Variants in CA5A observed in about 807,000 individuals in gnomAD.
CA5A encodes carbonic anhydrase 5A, mitochondrial.
In CA5A, 28 loss-of-function variants were observed where a neutral mutation model predicts 37.1. That is an observed-to-expected ratio of 0.75 (90% CI 0.56 to 1.03). The LOEUF (loss-of-function observed/expected upper bound fraction) is 1.03. CA5A is among the 50% of genes least tolerant of loss of function. The pLI is 0.00. For missense variants in CA5A, 444 were observed against 399.9 expected, an observed-to-expected ratio of 1.11 and a Z score of -0.94; for synonymous variants, 171 against 158.4, an observed-to-expected ratio of 1.08 and a Z score of -0.60.
intron 2 of CA5A, among the ~76,000 whole-genome samples, chr16:87,916,051 G>C (rs1433620432): frequency 6.6e-6 from 1 of 151,786 alleles, no homozygotes; most frequent in African/African-American, 2.4e-5. Flanking sequence ...CCAAGCAAAA[G>C]GGGTTACTCG....
intron 1 of CA5A, among the ~76,000 whole-genome samples, chr16:87,930,499 C>T (rs1003965071): frequency 6.6e-6 from 1 of 152,146 alleles, no homozygotes; most frequent in African/African-American, 2.4e-5. Context: ...AGGCCTGAAT[C>T]CCATCAACAT....
At chr16:87,933,138 A>G (rs1018618225) in intron 1 of CA5A, among the ~76,000 whole-genome samples, 1 of 152,250 alleles carries the variant, frequency 6.6e-6, no homozygotes, top group Non-Finnish European at 1.5e-5. Flanking sequence ...ACACCTGAGC[A>G]GGAAATAGCC....
At position 87,926,971 on chromosome 16, in the gene CA5A, G is replaced by C. The variant is rs560834608; in HGVS notation, c.143-26C>G. ...CTGCAGGGAGAGAGACGGAGACCCT[G>C]AGTGAGGCATGAGCTTCATCCTGTG... On this transcript the variant is annotated intron_variant, in intron 1 of 6. Coordinates refer to ENST00000649794, the MANE Select transcript of CA5A (RefSeq NM_001739.2). 3.2e-5 allele frequency: 46 copies of C among 1,458,004 alleles called. No homozygotes were observed. The African/African-American group carries it at 5.6e-4, about 18-fold the overall frequency. 90.3% of individuals were successfully genotyped at this position (1,458,004 alleles called of 1,614,324 possible). A position where few individuals can be genotyped will look rare whatever the true frequency, so the allele number is the denominator to read the frequency against.
At chr16:87,935,764 T>C (rs2056462347) in intron 1 of CA5A, among the ~76,000 whole-genome samples, 1 of 151,826 alleles carries the variant, frequency 6.6e-6, no homozygotes, top group African/African-American at 2.4e-5. Flanking sequence ...TAGTCCCAGT[T>C]ACTTTGGAGG....
At chr16:87,886,942 A>G (rs4843275), downstream of CA5A, 52,214 of 151,972 alleles carry the variant, frequency 0.34, 9,985 homozygotes, top group African/African-American at 0.52. Flanking sequence ...TCGCTCTGTC[A>G]CCCTGGCTGG....
chr16:87,908,650 C>A (rs572238945), intron 2 of CA5A, among the ~76,000 whole-genome samples: 14 of 152,292 alleles, frequency 9.2e-5, no homozygotes, highest in African/African-American at 3.1e-4. Context: ...CTGCTGGGAC[C>A]GGAAGGGACT....
chr16:87,893,423 G>C (rs899123090), intron 5 of CA5A: 1 of 505,894 alleles, frequency 2.0e-6, no homozygotes, highest in South Asian at 1.5e-5. Flanking sequence ...CACCACGCCC[G>C]GCTTGCCTGG....
chr16:87,934,863 G>C (rs2056450068), intron 1 of CA5A, among the ~76,000 whole-genome samples: 1 of 152,188 alleles, frequency 6.6e-6, no homozygotes, highest in Non-Finnish European at 1.5e-5. Context: ...GGGAGGCTGA[G>C]TCAAGAGGAT....
At chr16:87,921,354 C>T (rs1214616005) in intron 2 of CA5A, among the ~76,000 whole-genome samples, 1 of 152,190 alleles carries the variant, frequency 6.6e-6, no homozygotes, top group Non-Finnish European at 1.5e-5. Context: ...TCAGAGGCCC[C>T]GAAATTGGCT....
chr16:87,899,798 T>C (rs2055851919), intron 5 of CA5A, among the ~76,000 whole-genome samples: 1 of 150,036 alleles, frequency 6.7e-6, no homozygotes, highest in Non-Finnish European at 1.5e-5. Flanking sequence ...TGGGCGCCGG[T>C]ACTTCCAGCT....
At chr16:87,933,068 T>C (rs1284722271) in intron 1 of CA5A, among the ~76,000 whole-genome samples, 1 of 151,892 alleles carries the variant, frequency 6.6e-6, no homozygotes, top group African/African-American at 2.4e-5. Context: ...CCACCCAGAG[T>C]GGGGAGCCCA....
intron 6 of CA5A, among the ~76,000 whole-genome samples, chr16:87,888,563 G>A (rs566085770): frequency 6.6e-6 from 1 of 152,294 alleles, no homozygotes; most frequent in Admixed American, 6.5e-5. Context: ...GAGGCTCCCA[G>A]CGAACTGCCA....
intron 5 of CA5A, chr16:87,893,664 G>A (rs2055758625): frequency 1.7e-6 from 1 of 590,164 alleles, no homozygotes; most frequent in Non-Finnish European, 3.1e-6. Flanking sequence ...GATAGCCGAG[G>A]CTCGGGCTGG....
chr16:87,927,818 G>C (rs914873027), intron 1 of CA5A, among the ~76,000 whole-genome samples: 2 of 146,592 alleles, frequency 1.4e-5, no homozygotes, highest in African/African-American at 5.1e-5. Context: ...CCGAGATCGC[G>C]CCACTGCACT....
chr16:87,911,173 G>A lies in CA5A; in HGVS notation c.341-6269C>T, dbSNP rs554220328. Among the ~76,000 whole-genome samples the A allele has an allele frequency of 8.0e-5, 12 of 149,494 alleles. No individual in the cohort carries two copies. Among genetic ancestry groups the A allele is most frequent in the South Asian group, 2.1e-4 (1 of 4,708 alleles). ...TTTAAGCTGCCAGCCCCCATCCCCC[G>A]GACTCTGCTATCAGCAGGGCTGGTC... On this transcript the variant is annotated intron_variant, in intron 2 of 6. Transcript: ENST00000649794. The surrounding 1 kb of genome is among the most constrained non-coding windows in gnomAD (Gnocchi z 4.6).
intron 5 of CA5A, among the ~76,000 whole-genome samples, chr16:87,892,646 A>T (rs1335887061): frequency 6.7e-6 from 1 of 150,232 alleles, no homozygotes. Context: ...GATAAAATAT[A>T]CATAACATAA....
Position 87,918,394 on chromosome 16 carries a change from C to G in CA5A, c.340+8354G>C, listed in dbSNP as rs552702713. Among the ~76,000 whole-genome samples, 62 of 152,128 alleles carry G rather than the reference C, an allele frequency of 4.1e-4. 1 individual carries two copies. The highest frequency in any genetic ancestry group is 1.3e-3 in the African/African-American group (56 of 41,516). On this transcript the variant is annotated intron_variant, in intron 2 of 6. Coordinates refer to ENST00000649794, the MANE Select transcript of CA5A (RefSeq NM_001739.2). ...TCCTCTCCCCCTTCCCTCCTCCCCC[C>G]GCTTTGCTCCCCCAGCCTTTCCTCC...
Position 87,936,476 on chromosome 16 carries a change from G to T in CA5A, c.-26C>A. On this transcript the variant is annotated 5_prime_UTR_variant, in exon 1 of 7. It adds an upstream start codon to the 5' untranslated region. Transcript: ENST00000649794. The stretch of plus-strand genomic sequence containing the variant: ...CTTGGGTCTGTTCCCACTGACTCCA[G>T]TCTGAAGAGGGTGATGTTCCCTGCT... The T allele has an allele frequency of 6.2e-7, 1 of 1,612,688 alleles. No homozygotes were observed. Among genetic ancestry groups the T allele is most frequent in the Non-Finnish European group, 8.5e-7 (1 of 1,179,654 alleles).
At chr16:87,920,651 T>C (rs1416046563) in intron 2 of CA5A, among the ~76,000 whole-genome samples, 5 of 151,744 alleles carry the variant, frequency 3.3e-5, no homozygotes, top group Non-Finnish European at 5.9e-5. Flanking sequence ...TAAATCTCAC[T>C]TTGTTGCCCA....
Sources: allele counts gnomAD v4.1 joint callset (sites outside exome capture counted in the v4.1 genomes callset), GRCh38; gene constraint gnomAD v4.1.1; non-coding constraint Gnocchi (gnomAD v3.1); transcripts MANE v1.5; gene names NCBI Gene and HGNC (gene_info 2026-07-23, HGNC 2026-07-21).